The following CNBD1 variants were observed in gnomAD, a reference collection of about 807,000 sequenced individuals.
CNBD1 encodes the protein cyclic nucleotide-binding domain-containing protein 1.
A neutral mutation model predicts 54.4 loss-of-function variants in CNBD1; 71 were observed. The ratio of observed to expected loss-of-function variants is 1.30; its 90% confidence interval spans 1.08 to 1.59. The LOEUF (loss-of-function observed/expected upper bound fraction) is 1.59. Among genes scored for constraint, CNBD1 ranks in the 40% most tolerant of loss-of-function variants. CNBD1 has a pLI of 0.00. For synonymous variants in CNBD1, 182 were observed against 170.7 expected, an observed-to-expected ratio of 1.07 and a Z score of -0.51; for missense variants, 659 against 518.0, an observed-to-expected ratio of 1.27 and a Z score of -2.64.
intron 3 of CNBD1, among the ~76,000 whole-genome samples, chr8:86,907,343 T>C (rs1362519054): frequency 2.0e-5 from 3 of 152,088 alleles, no homozygotes; most frequent in Non-Finnish European, 4.4e-5. Flanking sequence ...GCACATGGGA[T>C]AAGATTAGAA....
At chr8:87,411,090 G>A (rs773866629) in intron 2 of CNBD1, among the ~76,000 whole-genome samples, 21 of 151,732 alleles carry the variant, frequency 1.4e-4, no homozygotes, top group Non-Finnish European at 2.8e-4. Context: ...TGATACTTGG[G>A]GGTCTGGAAC....
chr8:87,287,395 G>C (rs1808718855), intron 8 of CNBD1, among the ~76,000 whole-genome samples: 1 of 152,138 alleles, frequency 6.6e-6, no homozygotes, highest in Non-Finnish European at 1.5e-5. Context: ...ACAGATAACA[G>C]AGAGAGGATG....
chr8:87,132,828 T>C (rs539991581), intron 4 of CNBD1, among the ~76,000 whole-genome samples: 111 of 148,058 alleles, frequency 7.5e-4, no homozygotes, highest in African/African-American at 2.3e-3. Context: ...TACACACACA[T>C]ATATATATAT....
downstream of CNBD1, among the ~76,000 whole-genome samples, chr8:87,385,973 C>A (rs1465751471): frequency 6.6e-6 from 1 of 152,182 alleles, no homozygotes; most frequent in Non-Finnish European, 1.5e-5. Flanking sequence ...ATCCGCTGTT[C>A]TGCAGCCTCC....
In CNBD1 at chr8:87,182,055, C is replaced by T. The variant is rs1405388230; in HGVS notation, c.432-23938C>T. Reference sequence around the variant, plus strand: ...GACCTTCACCCTGCTCCTAACATCTCACTTGAAGTATGCCCCAGTGTCTAC... The same window carrying T: ...GACCTTCACCCTGCTCCTAACATCTTACTTGAAGTATGCCCCAGTGTCTAC... On this transcript the variant is annotated intron_variant, in intron 4 of 10. Transcript: ENST00000518476. This position sits in a 1 kb window ranked among gnomAD's most constrained non-coding sequence, Gnocchi z 4.1. Among the ~76,000 whole-genome samples the T allele has an allele frequency of 6.6e-6, 1 of 152,096 alleles. No homozygotes were observed. Among genetic ancestry groups the T allele is most frequent in the Non-Finnish European group, 1.5e-5 (1 of 67,988 alleles).
At chr8:87,061,942 A>G (rs117531818) in intron 4 of CNBD1, among the ~76,000 whole-genome samples, 893 of 152,284 alleles carry the variant, frequency 5.9e-3, no homozygotes, top group Non-Finnish European at 9.2e-3. Flanking sequence ...GAAGTGATCA[A>G]TGCTTTTCAG....
At chr8:87,128,810 G>A (rs550065700) in intron 4 of CNBD1, among the ~76,000 whole-genome samples, 2 of 151,438 alleles carry the variant, frequency 1.3e-5, no homozygotes, top group Admixed American at 1.3e-4. Context: ...TCAGCCGGGT[G>A]CAGTGGCTCA....
intron 10 of CNBD1, among the ~76,000 whole-genome samples, chr8:87,373,029 A>T (rs962799956): frequency 1.3e-5 from 2 of 151,682 alleles, no homozygotes; most frequent in African/African-American, 4.8e-5. Flanking sequence ...ATTTTTTATT[A>T]TAGTAGTTAG....
chr8:87,058,280 T>A (rs531075021), intron 4 of CNBD1, among the ~76,000 whole-genome samples: 1 of 152,334 alleles, frequency 6.6e-6, no homozygotes, highest in African/African-American at 2.4e-5. Flanking sequence ...TCCCAGCTGC[T>A]TTCACAGCTG....
chr8:87,382,771 C>T lies in CNBD1; in HGVS notation c.*144C>T. On this transcript the variant is annotated 3_prime_UTR_variant, in exon 11 of 11. Coordinates refer to ENST00000518476, the MANE Select transcript of CNBD1 (RefSeq NM_173538.3). The stretch of plus-strand genomic sequence containing the variant: ...TCCTGGATTCCCCAGGAAAGTCCCA[C>T]TTTCGAATTGCCTTTCAAACACAGT... 1 of 493,702 alleles carries T rather than the reference C, an allele frequency of 2.0e-6. No homozygotes were observed. The highest frequency in any genetic ancestry group is 3.5e-6 in the Non-Finnish European group (1 of 283,764). 30.6% of individuals were successfully genotyped at this position (493,702 alleles called of 1,614,324 possible).
chr8:87,304,551 G>A (rs903698670), intron 8 of CNBD1, among the ~76,000 whole-genome samples: 9 of 152,014 alleles, frequency 5.9e-5, no homozygotes, highest in African/African-American at 2.2e-4. Flanking sequence ...ATGAGTTAAT[G>A]GGTGCAGCAC....
intron 5 of CNBD1, among the ~76,000 whole-genome samples, chr8:87,213,903 G>C (rs1408330748): frequency 2.0e-5 from 3 of 152,192 alleles, no homozygotes; most frequent in Non-Finnish European, 2.9e-5. Context: ...CAGGGTACAG[G>C]CATTAGGTAA....
chr8:87,043,923 C>T (rs972134422), intron 4 of CNBD1, among the ~76,000 whole-genome samples: 2 of 152,218 alleles, frequency 1.3e-5, no homozygotes, highest in African/African-American at 2.4e-5. Flanking sequence ...TGGTTTCAGG[C>T]TTTCCCCTTC....
intron 4 of CNBD1, among the ~76,000 whole-genome samples, chr8:87,014,593 A>T (rs1310072516): frequency 1.3e-5 from 2 of 152,226 alleles, no homozygotes; most frequent in South Asian, 2.1e-4. Flanking sequence ...GGTAAACTAC[A>T]AGATTAATTG....
intron 2 of CNBD1, among the ~76,000 whole-genome samples, chr8:87,428,336 G>A (rs1808085964): frequency 6.6e-6 from 1 of 152,080 alleles, no homozygotes; most frequent in Non-Finnish European, 1.5e-5. Flanking sequence ...TGGACATTGT[G>A]TAAATTAGGC....
chr8:87,367,051 T>C (rs1810655884), intron 10 of CNBD1, among the ~76,000 whole-genome samples: 1 of 152,008 alleles, frequency 6.6e-6, no homozygotes, highest in Admixed American at 6.6e-5. Context: ...CTGAGGGTAC[T>C]TTACTCCCAG....
intron 2 of CNBD1, among the ~76,000 whole-genome samples, chr8:87,403,837 C>T (rs1326253006): frequency 6.6e-6 from 1 of 151,622 alleles, no homozygotes; most frequent in African/African-American, 2.4e-5. Flanking sequence ...CTTTTGGATC[C>T]CTGGATGCAT....
intron 4 of CNBD1, among the ~76,000 whole-genome samples, chr8:87,012,429 T>G (rs1394761311): frequency 6.6e-6 from 1 of 152,184 alleles, no homozygotes; most frequent in East Asian, 1.9e-4. Context: ...CATAATATTA[T>G]GAGACAAGGA....
chr8:87,304,657 A>C (rs1384469262), intron 8 of CNBD1, among the ~76,000 whole-genome samples: 1 of 152,034 alleles, frequency 6.6e-6, no homozygotes, highest in African/African-American at 2.4e-5. Flanking sequence ...AAATAAATAA[A>C]AATCACATAA....
Sources: gnomAD v4.1 joint callset for allele counts (sites outside exome capture counted in the v4.1 genomes callset) on GRCh38, gnomAD v4.1.1 for gene constraint, Gnocchi (gnomAD v3.1) non-coding constraint, MANE v1.5 for transcripts, NCBI Gene and HGNC (gene_info 2026-07-23, HGNC 2026-07-21) for gene names.